Variants in FNDC3A observed in about 807,000 individuals in gnomAD.
FNDC3A encodes the protein fibronectin type III domain containing 3A.
A neutral mutation model predicts 148.9 loss-of-function variants in FNDC3A; 32 were observed. That is an observed-to-expected ratio of 0.21 (90% CI 0.16 to 0.29). FNDC3A has a LOEUF of 0.29. FNDC3A is among the 10% of genes least tolerant of loss of function. The pLI, the probability that FNDC3A is intolerant of heterozygous loss-of-function variation, is 1.00. For missense variants in FNDC3A, 1,191 were observed against 1,452.8 expected (o/e 0.82, Z 2.93); for synonymous variants, 472 against 473.6 (o/e 1.00, Z 0.04).
At chr13:49,047,006 C>G (rs903444218) in intron 2 of FNDC3A, among the ~76,000 whole-genome samples, 6 of 152,042 alleles carry the variant, frequency 3.9e-5, no homozygotes, top group Admixed American at 6.6e-5. Flanking sequence ...TCACCTCCCC[C>G]CATCCAGTCC....
At chr13:49,075,750 T>C (rs1330564908) in intron 3 of FNDC3A, among the ~76,000 whole-genome samples, 3 of 152,056 alleles carry the variant, frequency 2.0e-5, no homozygotes, top group Non-Finnish European at 4.4e-5. Context: ...GAAGCTATCT[T>C]GTACTATGTG....
chr13:49,007,246 AT>A (rs1593461775), intron 2 of FNDC3A, among the ~76,000 whole-genome samples: 1 of 152,236 alleles, frequency 6.6e-6, no homozygotes, highest in East Asian at 1.9e-4. Context: ...AAGGGCTACT[AT>A]TGAAAAATTA....
chr13:49,150,245 T>C (rs1382125930), intron 8 of FNDC3A, among the ~76,000 whole-genome samples: 1 of 151,748 alleles, frequency 6.6e-6, no homozygotes, highest in Non-Finnish European at 1.5e-5. Context: ...GGCTGTCTGC[T>C]CTGATCTGCA....
intron 7 of FNDC3A, among the ~76,000 whole-genome samples, chr13:49,144,895 A>T (rs1210181322): frequency 6.6e-6 from 1 of 152,158 alleles, no homozygotes; most frequent in Non-Finnish European, 1.5e-5. Context: ...TAGCACCTGT[A>T]TATTGAGGAA....
intron 2 of FNDC3A, among the ~76,000 whole-genome samples, chr13:49,049,723 C>CT (rs938340920): frequency 6.0e-5 from 9 of 150,010 alleles, no homozygotes; most frequent in Admixed American, 6.6e-5. Flanking sequence ...TTTCTTTTTT[C>CT]TTTTTTCTTT....
intron 1 of FNDC3A, among the ~76,000 whole-genome samples, chr13:48,994,505 G>T (rs1011579088): frequency 1.3e-5 from 2 of 152,172 alleles, no homozygotes; most frequent in East Asian, 1.9e-4. Flanking sequence ...GTGGTTGAGC[G>T]CAGTGGCTCA....
At chr13:49,153,521 A>C (rs1445212726) in intron 8 of FNDC3A, among the ~76,000 whole-genome samples, 3 of 152,136 alleles carry the variant, frequency 2.0e-5, no homozygotes, top group South Asian at 2.1e-4. Context: ...TCTTTAGTTT[A>C]ATTAGATCCC....
intron 2 of FNDC3A, among the ~76,000 whole-genome samples, chr13:49,022,031 GGT>G (rs1229237506): frequency 6.6e-6 from 1 of 151,956 alleles, no homozygotes; most frequent in East Asian, 1.9e-4. Context: ...ATTGTAAAAA[GGT>G]ATTTTTTTCA....
intron 3 of FNDC3A, among the ~76,000 whole-genome samples, chr13:49,082,953 GC>G (rs1317253236): frequency 6.6e-6 from 1 of 152,094 alleles, no homozygotes; most frequent in African/African-American, 2.4e-5. Context: ...TGGAGGGGTA[GC>G]CTGACCTGGG....
intron 8 of FNDC3A, among the ~76,000 whole-genome samples, chr13:49,165,291 T>C (rs1286231047): frequency 4.6e-5 from 7 of 152,234 alleles, no homozygotes; most frequent in Non-Finnish European, 1.0e-4. Flanking sequence ...GGTATAGCAG[T>C]CACTTCTTTC....
rs771658455 is a variant in FNDC3A, at chr13:49,191,430, T to C, written c.2226+46T>C. The C allele has an allele frequency of 5.6e-6, 8 of 1,439,870 alleles. No homozygotes were observed. The East Asian group carries it at 1.9e-4, about 34-fold the overall frequency. The allele number at this position is 1,439,870 out of a possible 1,614,324, so 89.2% of individuals were successfully genotyped here. A position where few individuals can be genotyped will look rare whatever the true frequency, so the allele number is the denominator to read the frequency against. On this transcript the variant is annotated intron_variant, in intron 19 of 25. Coordinates refer to ENST00000492622, the MANE Select transcript of FNDC3A (RefSeq NM_001079673.2). The stretch of plus-strand genomic sequence containing the variant: ...GAATTATAATCACAATGGTGATATA[T>C]GTTTCATTTTAACATATATCATCAT...
intron 4 of FNDC3A, among the ~76,000 whole-genome samples, chr13:49,115,513 A>C (rs374057182): frequency 2.0e-5 from 3 of 152,106 alleles, no homozygotes; most frequent in Non-Finnish European, 4.4e-5. Flanking sequence ...TTTTCTGCAC[A>C]CTCTGTGAAG....
At chr13:49,139,467 TTGTTTTTC>T (rs1269923439) in intron 7 of FNDC3A, among the ~76,000 whole-genome samples, 6 of 152,186 alleles carry the variant, frequency 3.9e-5, no homozygotes, top group African/African-American at 1.4e-4. Flanking sequence ...CAAAAATACT[TTGTTTTTC>T]TGAGAAAACA....
intron 20 of FNDC3A, among the ~76,000 whole-genome samples, chr13:49,197,497 C>A (rs1013523078): frequency 3.3e-5 from 5 of 152,104 alleles, no homozygotes; most frequent in African/African-American, 9.7e-5. Flanking sequence ...GTGACTTAGT[C>A]ATATTTCTAC....
chr13:48,986,481 C>T (rs372669663), intron 1 of FNDC3A, among the ~76,000 whole-genome samples: 13 of 145,862 alleles, frequency 8.9e-5, no homozygotes, highest in African/African-American at 2.5e-4. Context: ...CTGCAACCTC[C>T]GCCTCCCAGG....
intron 2 of FNDC3A, chr13:49,044,669 C>CAA (rs879523403): frequency 2.7e-4 from 50 of 188,168 alleles, no homozygotes; most frequent in South Asian, 4.0e-4. Context: ...GACTCTGTCT[C>CAA]AAAAAAAAAA....
intron 14 of FNDC3A, among the ~76,000 whole-genome samples, chr13:49,182,037 A>G (rs1885333237): frequency 6.6e-6 from 1 of 152,188 alleles, no homozygotes; most frequent in Non-Finnish European, 1.5e-5. Flanking sequence ...GCTGGAGTGC[A>G]TTGGCACAAT....
intron 3 of FNDC3A, among the ~76,000 whole-genome samples, chr13:49,090,536 GCAAA>G (rs1012190602): frequency 1.3e-5 from 2 of 152,204 alleles, no homozygotes; most frequent in African/African-American, 4.8e-5. Context: ...TCACAGACAT[GCAAA>G]CAAAGAAGTG....
intron 1 of FNDC3A, among the ~76,000 whole-genome samples, chr13:48,986,438 C>T (rs1951803384): frequency 7.8e-6 from 1 of 128,862 alleles, no homozygotes; most frequent in African/African-American, 3.1e-5. Context: ...CTCTGTCGCC[C>T]AGGCTGGAGT....
Sources: gnomAD v4.1 joint callset for allele counts (sites outside exome capture counted in the v4.1 genomes callset) on GRCh38, gnomAD v4.1.1 for gene constraint, MANE v1.5 for transcripts, NCBI Gene and HGNC (gene_info 2026-07-23, HGNC 2026-07-21) for gene names.